PPP1CB: variants seen among roughly 807,000 people sequenced by gnomAD.
The protein encoded by PPP1CB is serine/threonine-protein phosphatase PP1-beta catalytic subunit.
Under a neutral mutation model 43.7 loss-of-function variants are expected in PPP1CB, and 2 were observed. That is an observed-to-expected ratio of 0.05 (90% CI 0.02 to 0.14). The LOEUF (loss-of-function observed/expected upper bound fraction) is 0.14, where lower values mean the gene tolerates loss of function less well. Ranked by LOEUF, PPP1CB falls within the 10% of genes least tolerant of loss-of-function variation. The pLI is 1.00. For missense variants in PPP1CB, 84 were observed against 398.0 expected, an observed-to-expected ratio of 0.21 and a Z score of 6.71; for synonymous variants, 136 against 135.6, an observed-to-expected ratio of 1.00 and a Z score of -0.02.
intron 1 of PPP1CB, among the ~76,000 whole-genome samples, chr2:28,756,526 C>T (rs2148454217): frequency 6.6e-6 from 1 of 152,348 alleles, no homozygotes; most frequent in East Asian, 1.9e-4. Context: ...CTATTCAAGA[C>T]AGGCTGGAAT....
intron 7 of PPP1CB, among the ~76,000 whole-genome samples, chr2:28,796,535 G>A (rs1667501170): frequency 6.6e-6 from 1 of 151,874 alleles, no homozygotes. Context: ...TATTCTTTTT[G>A]TGGCTATTGT....
At chr2:28,782,263 TA>T (rs1051392255) in intron 4 of PPP1CB, among the ~76,000 whole-genome samples, 1 of 152,126 alleles carries the variant, frequency 6.6e-6, no homozygotes. Context: ...GTATTAACAA[TA>T]AAATAATAAA....
chr2:28,762,142 G>T (rs1463146517), intron 1 of PPP1CB, among the ~76,000 whole-genome samples: 3 of 152,130 alleles, frequency 2.0e-5, no homozygotes, highest in Non-Finnish European at 2.9e-5. Context: ...AAAGTTAGCT[G>T]GGCGTGATGT....
At chr2:28,792,848 A>T (rs1012907629) in intron 6 of PPP1CB, among the ~76,000 whole-genome samples, 1 of 152,182 alleles carries the variant, frequency 6.6e-6, no homozygotes, top group Non-Finnish European at 1.5e-5. Context: ...GTGTTCCTCA[A>T]ATTTGTAGAC....
chr2:28,777,077 A>G lies in PPP1CB; in HGVS notation c.184+95A>G, dbSNP rs149532888. On this transcript the variant is annotated intron_variant, in intron 2 of 7. Transcript: ENST00000395366. ...AGAAAACATTTTTTGAAATTTTTGT[A>G]TAAAACAGATCAGTAGGCTTTACTA... 0.017 allele frequency: 23,068 copies of G among 1,338,152 alleles called. 240 individuals are homozygous for G. Among genetic ancestry groups the G allele is most frequent in the Non-Finnish European group, 0.021 (20,408 of 962,852 alleles). 82.9% of individuals were successfully genotyped at this position (1,338,152 alleles called of 1,614,324 possible).
intron 1 of PPP1CB, among the ~76,000 whole-genome samples, chr2:28,775,308 C>G (rs749940897): frequency 6.6e-6 from 1 of 152,148 alleles, no homozygotes; most frequent in African/African-American, 2.4e-5. Context: ...GGGGTTTCAT[C>G]GTGTTGCCCA....
intron 6 of PPP1CB, among the ~76,000 whole-genome samples, chr2:28,789,593 A>ATTTTTTTTTT (rs70956041): frequency 1.0e-5 from 1 of 96,544 alleles, no homozygotes. Flanking sequence ...TATGATTTAG[A>ATTTTTTTTTT]TTTTTTTTTT....
intron 1 of PPP1CB, among the ~76,000 whole-genome samples, chr2:28,768,106 G>A (rs1666822501): frequency 6.6e-6 from 1 of 152,136 alleles, no homozygotes; most frequent in Non-Finnish European, 1.5e-5. Flanking sequence ...CATTTTGTGT[G>A]CCTCTCGGCA....
chr2:28,786,056 A>G, intron 5 of PPP1CB, among the ~76,000 whole-genome samples: 1 of 152,304 alleles, frequency 6.6e-6, no homozygotes, highest in South Asian at 2.1e-4. Flanking sequence ...ATAAGTTAAT[A>G]CATTATTTGA....
At chr2:28,785,042 G>A (rs1667233013) in intron 5 of PPP1CB, among the ~76,000 whole-genome samples, 1 of 120,712 alleles carries the variant, frequency 8.3e-6, no homozygotes, top group Non-Finnish European at 1.7e-5. Flanking sequence ...TACACTGTAT[G>A]TTGTAATAAA....
At chr2:28,753,544 C>G (rs1023558395) in intron 1 of PPP1CB, among the ~76,000 whole-genome samples, 1 of 152,180 alleles carries the variant, frequency 6.6e-6, no homozygotes. Context: ...GGGAGGCCCC[C>G]TGGTGCCTGC....
intron 1 of PPP1CB, among the ~76,000 whole-genome samples, chr2:28,755,402 A>G (rs1666465077): frequency 1.3e-5 from 2 of 152,224 alleles, no homozygotes; most frequent in African/African-American, 4.8e-5. Context: ...ATTTAATGTA[A>G]AACAGAAATA....
In PPP1CB at chr2:28,800,226, C is replaced by CTTTCTTTCT. The variant is rs1553312779; in HGVS notation, c.*926_*927insCTTTCTTTT. The CTTTCTTTCT allele has an allele frequency of 1.5e-5, 1 of 65,626 alleles. No individual in the cohort carries two copies. Among genetic ancestry groups the CTTTCTTTCT allele is most frequent in the Non-Finnish European group, 2.7e-5 (1 of 36,886 alleles). 4.1% of individuals were successfully genotyped at this position (65,626 alleles called of 1,614,324 possible). A position where few individuals can be genotyped will look rare whatever the true frequency, so the allele number is the denominator to read the frequency against. On this transcript the variant is annotated 3_prime_UTR_variant, in exon 8 of 8. Transcript: ENST00000395366. ...TTGGTTTTCTTTTTCTTTTTTCTTT[C>CTTTCTTTCT]TTTTTTTTTTTTTTTTTTTTTTTGA...
chr2:28,760,452 C>G (rs1666614803), intron 1 of PPP1CB, among the ~76,000 whole-genome samples: 1 of 152,182 alleles, frequency 6.6e-6, no homozygotes, highest in African/African-American at 2.4e-5. Flanking sequence ...CTGCAGTATT[C>G]AGTACAGTAA....
chr2:28,752,534 A>T (rs1333482356), intron 1 of PPP1CB, among the ~76,000 whole-genome samples: 1 of 152,120 alleles, frequency 6.6e-6, no homozygotes, highest in Non-Finnish European at 1.5e-5. Context: ...GGATGGGGAG[A>T]GGATGCCTGC....
intron 1 of PPP1CB, among the ~76,000 whole-genome samples, chr2:28,755,668 T>C (rs1387280941): frequency 6.6e-6 from 1 of 152,172 alleles, no homozygotes; most frequent in Non-Finnish European, 1.5e-5. Context: ...TATAGCAGAA[T>C]CATCTGGGGA....
intron 6 of PPP1CB, among the ~76,000 whole-genome samples, chr2:28,793,081 G>T (rs913371939): frequency 6.6e-6 from 1 of 151,982 alleles, no homozygotes; most frequent in African/African-American, 2.4e-5. Context: ...TGGTGGGTGC[G>T]TGTAGTCCCA....
At chr2:28,769,596 A>G (rs1227479964) in intron 1 of PPP1CB, among the ~76,000 whole-genome samples, 1 of 152,238 alleles carries the variant, frequency 6.6e-6, no homozygotes, top group African/African-American at 2.4e-5. Context: ...AGATAAAAGC[A>G]AAGAACTGCA....
At position 28,784,229 on chromosome 2, in the gene PPP1CB, GA is replaced by G. The variant is rs543757277; in HGVS notation, c.592+252del. Among the ~76,000 whole-genome samples the G allele has an allele frequency of 5.9e-5, 9 of 152,288 alleles. No individual in the cohort carries two copies. The South Asian group carries it at 1.9e-3, about 32-fold the overall frequency. Reference sequence around the variant, plus strand: ...TGATCACAAAAAAGATTTTGCTGTTGAGTCCTTATACCTATTTTTCTAAATT... The same window carrying G: ...TGATCACAAAAAAGATTTTGCTGTTGGTCCTTATACCTATTTTTCTAAATT... On this transcript the variant is annotated intron_variant, in intron 5 of 7. Coordinates refer to ENST00000395366, the MANE Select transcript of PPP1CB (RefSeq NM_002709.3).
Sources: gnomAD v4.1 joint callset for allele counts (sites outside exome capture counted in the v4.1 genomes callset) on GRCh38, gnomAD v4.1.1 for gene constraint, MANE v1.5 for transcripts, NCBI Gene and HGNC (gene_info 2026-07-23, HGNC 2026-07-21) for gene names.